The following OR1I1 variants were observed in gnomAD, a reference collection of about 807,000 sequenced individuals.
OR1I1 encodes olfactory receptor 1I1.
For missense variants in OR1I1, 451 were observed against 443.6 expected, an observed-to-expected ratio of 1.02 and a Z score of -0.15; for synonymous variants, 171 against 181.4, an observed-to-expected ratio of 0.94 and a Z score of 0.46.
At chr19:15,082,841 G>A (rs7251658) in intron 1 of OR1I1, among the ~76,000 whole-genome samples, 94,801 of 150,670 alleles carry the variant, frequency 0.63, 29,964 homozygotes, top group African/African-American at 0.69. Context: ...ACAGGGTCTC[G>A]CTCTGTTGCC....
chr19:15,085,174 A>ATGT lies in OR1I1; in HGVS notation c.-13-1878_-13-1877insGTT, dbSNP rs1188702949. 5.3e-5 allele frequency among the ~76,000 whole-genome samples: 3 copies of ATGT among 56,892 alleles called. 1 individual carries two copies. Among genetic ancestry groups the ATGT allele is most frequent in the African/African-American group, 1.8e-4 (3 of 16,768 alleles). 37.3% of individuals were successfully genotyped at this position (56,892 alleles called of 152,430 possible). On this transcript the variant is annotated intron_variant, in intron 1 of 1. Transcript: ENST00000641398. ...TATATATATATATATATATATATAT[A>ATGT]TATTTTTTTTTTTGAGACAGAGTTT...
chr19:15,088,327 G>A lies in OR1I1; in HGVS notation c.*194G>A, dbSNP rs2046240402. ...GATTGCTATGTGAATAAGAGTAGTT[G>A]AAAACAAGAGACGTAGCTACACTCA... On this transcript the variant is annotated 3_prime_UTR_variant, in exon 2 of 2. Transcript: ENST00000641398. 1.6e-6 allele frequency: 1 copy of A among 607,624 alleles called. No homozygotes were observed. The highest frequency in any genetic ancestry group is 3.0e-5 in the East Asian group (1 of 33,822). The allele number at this position is 607,624 out of a possible 1,614,324, so 37.6% of individuals were successfully genotyped here.
chr19:15,092,197 C>T lies in OR1I1; in HGVS notation c.*4064C>T, dbSNP rs970634170. The stretch of plus-strand genomic sequence containing the variant: ...GTCCATGGCCCTTAGGTGTAATCTC[C>T]CCCTGGAAGGGCACAACAGGTGCAA... On this transcript the variant is annotated 3_prime_UTR_variant, in exon 2 of 2. Coordinates refer to ENST00000641398, the MANE Select transcript of OR1I1 (RefSeq NM_001004713.2). 1.4e-4 allele frequency: 19 copies of T among 139,154 alleles called. No individual in the cohort carries two copies. Among genetic ancestry groups the T allele is most frequent in the African/African-American group, 4.7e-4 (18 of 38,600 alleles). The allele number at this position is 139,154 out of a possible 1,614,324, so 8.6% of individuals were successfully genotyped here. A position where few individuals can be genotyped will look rare whatever the true frequency, so the allele number is the denominator to read the frequency against.
At position 15,091,405 on chromosome 19, in the gene OR1I1, A is replaced by T. The variant is rs1315188638; in HGVS notation, c.*3272A>T. The T allele has an allele frequency of 6.6e-6, 1 of 152,190 alleles. No homozygotes were observed. The highest frequency in any genetic ancestry group is 1.5e-5 in the Non-Finnish European group (1 of 68,074). 9.4% of individuals were successfully genotyped at this position (152,190 alleles called of 1,614,324 possible). On this transcript the variant is annotated 3_prime_UTR_variant, in exon 2 of 2. Coordinates refer to ENST00000641398, the MANE Select transcript of OR1I1 (RefSeq NM_001004713.2). Reference sequence around the variant, plus strand: ...CCGGGCACAGTGGCTCATGCCTGTAATCCCAGAACTTTGGGAGGCTGAGGT... The same window carrying T: ...CCGGGCACAGTGGCTCATGCCTGTATTCCCAGAACTTTGGGAGGCTGAGGT...
At position 15,088,905 on chromosome 19, in the gene OR1I1, G is replaced by T. The variant is rs1195907271; in HGVS notation, c.*772G>T. On this transcript the variant is annotated 3_prime_UTR_variant, in exon 2 of 2. Transcript: ENST00000641398. ...CGATCGATAGATCTATCTATTGACA[G>T]ACAGATAGATGATTGATTGATAGAT... 1 of 141,060 alleles carries T rather than the reference G, an allele frequency of 7.1e-6. No homozygotes were observed. The highest frequency in any genetic ancestry group is 7.1e-5 in the Admixed American group (1 of 13,988). 8.7% of individuals were successfully genotyped at this position (141,060 alleles called of 1,614,324 possible). A position where few individuals can be genotyped will look rare whatever the true frequency, so the allele number is the denominator to read the frequency against.
Position 15,088,042 on chromosome 19 carries a change from G to A in OR1I1, c.977G>A (p.Gly326Glu), listed in dbSNP as rs2046239104. Residue 326 changes from glycine to glutamate, a missense_variant, in exon 2 of 2, where the codon GGA becomes GAA. Physicochemically the swap from Gly to Glu is moderately conservative, Grantham distance 98. Coordinates refer to ENST00000641398, the MANE Select transcript of OR1I1 (RefSeq NM_001004713.2). ...TTATTGGATGTTTATCATGTTCCAGGATCACTGTTGGCTGCTAGGGACACA... is the reference window on the plus strand; with the variant it reads ...TTATTGGATGTTTATCATGTTCCAGAATCACTGTTGGCTGCTAGGGACACA... ...EQLLDVYHVPGSLLAARDTEM... is the reference protein window; with the variant it reads ...EQLLDVYHVPESLLAARDTEM... The A allele has an allele frequency of 1.9e-6, 3 of 1,609,770 alleles. No homozygotes were observed. Among genetic ancestry groups the A allele is most frequent in the African/African-American group, 2.7e-5 (2 of 74,966 alleles).
intron 1 of OR1I1, among the ~76,000 whole-genome samples, chr19:15,085,523 G>A (rs576414961): frequency 2.0e-5 from 3 of 151,752 alleles, no homozygotes; most frequent in Non-Finnish European, 4.4e-5. Flanking sequence ...CAGAACATCT[G>A]TACCTATCAT....
At chr19:15,085,176 A>ATGTTTTTT (rs1555717400) in intron 1 of OR1I1, among the ~76,000 whole-genome samples, 3 of 80,136 alleles carry the variant, frequency 3.7e-5, no homozygotes, top group South Asian at 5.0e-4. Flanking sequence ...ATATATATAT[A>ATGTTTTTT]TTTTTTTTTT....
rs2046254781 is a variant in OR1I1 at position 15,091,126 on chromosome 19, G to C, written c.*2993G>C. ...TGACAATAATGATGATGACAACCGA[G>C]ATTTATTATCTGAACAATGCTAACT... is the stretch of plus-strand genomic sequence containing the variant. On this transcript the variant is annotated 3_prime_UTR_variant, in exon 2 of 2. Coordinates refer to ENST00000641398, the MANE Select transcript of OR1I1 (RefSeq NM_001004713.2). 6.6e-6 allele frequency: 1 copy of C among 152,148 alleles called. No homozygotes were observed. The highest frequency in any genetic ancestry group is 2.4e-5 in the African/African-American group (1 of 41,432). 9.4% of individuals were successfully genotyped at this position (152,148 alleles called of 1,614,324 possible).
In OR1I1 at chr19:15,092,087, C is replaced by CTTTTTTTTTTTTTTTTTTT. The variant is rs537423650; in HGVS notation, c.*3959_*3977dup. On this transcript the variant is annotated 3_prime_UTR_variant, in exon 2 of 2. Coordinates refer to ENST00000641398, the MANE Select transcript of OR1I1 (RefSeq NM_001004713.2). ...CATTTCACAAATTGGATTTAAAACG[C>CTTTTTTTTTTTTTTTTTTT]TTTTTTTTTTTTTTTTTTTTTTTGG... 100 of 48,984 alleles carry CTTTTTTTTTTTTTTTTTTT rather than the reference C, an allele frequency of 2.0e-3. 6 individuals are homozygous for CTTTTTTTTTTTTTTTTTTT. The highest frequency in any genetic ancestry group is 8.5e-3 in the African/African-American group (91 of 10,718). 3.0% of individuals were successfully genotyped at this position (48,984 alleles called of 1,614,324 possible). A position where few individuals can be genotyped will look rare whatever the true frequency, so the allele number is the denominator to read the frequency against.
Position 15,087,498 on chromosome 19 carries a change from C to G in OR1I1, c.433C>G (p.Leu145Val). The G allele has an allele frequency of 6.2e-7, 1 of 1,614,206 alleles. No individual in the cohort carries two copies. Among genetic ancestry groups the G allele is most frequent in the Non-Finnish European group, 8.5e-7 (1 of 1,180,034 alleles). ...GTGCTCCCCTGTCTGTGGGCTGCTG[C>G]TGGGAGCATCATGGATGATCACCAA... Reference protein sequence around the residue: ...LMCSPVCGLLLGASWMITNLQ... With the variant: ...LMCSPVCGLLVGASWMITNLQ... The change falls in exon 2 of 2, where the codon CTG becomes GTG. Residue 145 changes from leucine to valine, a missense_variant. Leu to Val is a conservative substitution (Grantham distance 32, BLOSUM62 1). Transcript: ENST00000641398.
At chr19:15,086,885 C>G (rs1458552005) in intron 1 of OR1I1, 168 bp from the exon 2 acceptor site, 1 of 1,070,662 alleles carries the variant, frequency 9.3e-7, no homozygotes, top group East Asian at 2.7e-5. Context: ...GCTTGAGGAG[C>G]AACAGAAGCC....
rs370613854 is a variant in OR1I1, at chr19:15,087,425, C to T, written c.360C>T (p.Ile120=). The part of the protein sequence containing the change: ...MDSFLLAVMA[I]DRFVAIVHPQ... ...GCTTTCTCCTGGCAGTAATGGCCAT[C>T]GACCGCTTCGTGGCCATTGTCCACC... is the stretch of plus-strand genomic sequence containing the variant. Residue 120 remains isoleucine, a synonymous_variant, in exon 2 of 2, where the codon ATC becomes ATT. Transcript: ENST00000641398. 157 of 1,613,914 alleles carry T rather than the reference C, an allele frequency of 9.7e-5. 1 individual carries two copies. The Middle Eastern group carries it at 1.5e-3, about 15-fold the overall frequency.
chr19:15,092,823 T>TC lies in OR1I1; in HGVS notation c.*4695dup, dbSNP rs1166600985. 1.3e-5 allele frequency: 2 copies of TC among 151,836 alleles called. No homozygotes were observed. Among genetic ancestry groups the TC allele is most frequent in the South Asian group, 4.1e-4 (2 of 4,842 alleles). 9.4% of individuals were successfully genotyped at this position (151,836 alleles called of 1,614,324 possible). A position where few individuals can be genotyped will look rare whatever the true frequency, so the allele number is the denominator to read the frequency against. ...CTGGAGTGGGCAACATAGTGAGACC[T>TC]CCCCCATCTCTACAAAAATTTTTTA... is the stretch of plus-strand genomic sequence containing the variant. On this transcript the variant is annotated 3_prime_UTR_variant, in exon 2 of 2. Coordinates refer to ENST00000641398, the MANE Select transcript of OR1I1 (RefSeq NM_001004713.2).
intron 1 of OR1I1, among the ~76,000 whole-genome samples, chr19:15,086,280 C>G (rs552724088): frequency 2.6e-5 from 4 of 151,928 alleles, no homozygotes; most frequent in Non-Finnish European, 5.9e-5. Context: ...TGCCACTGAA[C>G]TCCAGCCTGG....
Position 15,087,253 on chromosome 19 carries a change from T to C in OR1I1, c.188T>C (p.Leu63Pro). ...CTCCACACACCCATGTACTTCTTTC[T>C]CTTCAACCTCTCACTCGTTGACACC... ...SHLHTPMYFF[L>P]FNLSLVDTLL... is the part of the protein sequence containing the mutation. Residue 63 changes from leucine (L) to proline (P), a missense_variant, in exon 2 of 2, where the codon CTC becomes CCC. Coordinates refer to ENST00000641398, the MANE Select transcript of OR1I1 (RefSeq NM_001004713.2). The C allele has an allele frequency of 6.2e-7, 1 of 1,614,064 alleles. No homozygotes were observed. The highest frequency in any genetic ancestry group is 8.5e-7 in the Non-Finnish European group (1 of 1,180,006).
chr19:15,088,179 A>T lies in OR1I1; in HGVS notation c.*46A>T, dbSNP rs2046239873. On this transcript the variant is annotated 3_prime_UTR_variant, in exon 2 of 2. Coordinates refer to ENST00000641398, the MANE Select transcript of OR1I1 (RefSeq NM_001004713.2). ...TAAATGTGTCATAAAGAGATGAACA[A>T]AGTGTATGAGCACCCAAAGGAAAGG... The T allele has an allele frequency of 1.3e-6, 2 of 1,498,988 alleles. No homozygotes were observed. The highest frequency in any genetic ancestry group is 4.9e-5 in the East Asian group (2 of 40,462). 92.9% of individuals were successfully genotyped at this position (1,498,988 alleles called of 1,614,324 possible). A position where few individuals can be genotyped will look rare whatever the true frequency, so the allele number is the denominator to read the frequency against.
In OR1I1 at chr19:15,087,345, T is replaced by C. The variant is rs751419167; in HGVS notation, c.280T>C (p.Phe94Leu). The C allele has an allele frequency of 1.9e-5, 30 of 1,614,156 alleles. No homozygotes were observed. The South Asian group carries it at 3.1e-4, about 17-fold the overall frequency. Residue 94 changes from phenylalanine to leucine, a missense_variant, in exon 2 of 2, where the codon TTT (phenylalanine) becomes CTT (leucine). Phe to Leu is a conservative substitution (Grantham distance 22). Transcript: ENST00000641398. Reference protein sequence around the residue: ...NIQAQSRAIPFVGCLTQMYAF... With the variant: ...NIQAQSRAIPLVGCLTQMYAF... Reference sequence around the variant, plus strand: ...CCAGGCTCAGAGCAGAGCCATCCCCTTTGTGGGCTGCCTCACCCAGATGTA... The same window carrying C: ...CCAGGCTCAGAGCAGAGCCATCCCCCTTGTGGGCTGCCTCACCCAGATGTA...
Position 15,087,961 on chromosome 19 carries a change from C to T in OR1I1, c.896C>T (p.Ala299Val). Residue 299 changes from alanine (A) to valine (V), a missense_variant, in exon 2 of 2, where the codon GCA (alanine) becomes GTA (valine). Physicochemically the swap from Ala to Val is moderately conservative, Grantham distance 64. Coordinates refer to ENST00000641398, the MANE Select transcript of OR1I1 (RefSeq NM_001004713.2). ...IYSIRNKDMK[A>V]ALGKLIGKVA... ...AGCATACGGAACAAGGATATGAAGG[C>T]AGCCCTGGGGAAGCTCATCGGCAAA... 6.2e-7 allele frequency: 1 copy of T among 1,614,178 alleles called. No individual in the cohort carries two copies. The highest frequency in any genetic ancestry group is 8.5e-7 in the Non-Finnish European group (1 of 1,180,034).
Sources: allele counts gnomAD v4.1 joint callset (sites outside exome capture counted in the v4.1 genomes callset), GRCh38; gene constraint gnomAD v4.1.1; transcripts MANE v1.5; gene names NCBI Gene and HGNC (gene_info 2026-07-23, HGNC 2026-07-21).